RAD18: variants seen among roughly 807,000 people sequenced by gnomAD.
RAD18 encodes the protein E3 ubiquitin-protein ligase RAD18.
Under a neutral mutation model 60.4 loss-of-function variants are expected in RAD18, and 47 were observed. That is an observed-to-expected ratio of 0.78 (90% CI 0.62 to 0.99). The LOEUF is 0.99. Ranked by LOEUF, RAD18 falls within the 50% of genes least tolerant of loss-of-function variation. The pLI is 0.00. For synonymous variants in RAD18, 225 were observed against 195.5 expected, an observed-to-expected ratio of 1.15 and a Z score of -1.26; for missense variants, 640 against 593.3, an observed-to-expected ratio of 1.08 and a Z score of -0.82.
chr3:8,951,503 A>G (rs1940924076), intron 2 of RAD18, among the ~76,000 whole-genome samples: 1 of 152,236 alleles, frequency 6.6e-6, no homozygotes, highest in Non-Finnish European at 1.5e-5. Context: ...TTCTTCAGAG[A>G]GGAGGAAAAT....
intron 7 of RAD18, among the ~76,000 whole-genome samples, chr3:8,932,067 G>T (rs1940570402): frequency 6.6e-6 from 1 of 152,198 alleles, no homozygotes. Flanking sequence ...TAACACAGGA[G>T]AAATTTTTTG....
In RAD18 at chr3:8,931,418, T is replaced by C. The variant is rs577593857; in HGVS notation, c.889+4453A>G. On this transcript the variant is annotated intron_variant, in intron 7 of 12. Transcript: ENST00000264926. ...TAAAAGTCTTAATATTGTTAAGATA[T>C]CATTTCTAAGCTGATCTATGTAATC... is the stretch of plus-strand genomic sequence containing the variant. 6 of 152,348 alleles carry C rather than the reference T, an allele frequency of 3.9e-5. No individual in the cohort carries two copies. The East Asian group carries it at 1.2e-3, about 29-fold the overall frequency. 9.4% of individuals were successfully genotyped at this position (152,348 alleles called of 1,614,324 possible).
intron 7 of RAD18, among the ~76,000 whole-genome samples, chr3:8,918,532 G>C (rs595687): frequency 0.7 from 106,252 of 151,916 alleles, 37,630 homozygotes; most frequent in Middle Eastern, 0.77. Flanking sequence ...GAGAACTCTG[G>C]AAAGTAGAAA....
rs765797749 is a variant in RAD18 at position 8,948,596 on chromosome 3, T to C, written c.134-26A>G. On this transcript the variant is annotated intron_variant, in intron 2 of 12. Coordinates refer to ENST00000264926, the MANE Select transcript of RAD18 (RefSeq NM_020165.4). ...CTGCAAAACACAAAGTGCAACATAA[T>C]GTTAATTAAGCTATATTAATAATAC... is the stretch of plus-strand genomic sequence containing the variant. The C allele has an allele frequency of 7.0e-6, 11 of 1,568,356 alleles. No homozygotes were observed. The African/African-American group carries it at 1.4e-4, about 19-fold the overall frequency.
chr3:8,916,454 G>A (rs1940201338), intron 7 of RAD18, among the ~76,000 whole-genome samples: 1 of 152,172 alleles, frequency 6.6e-6, no homozygotes, highest in African/African-American at 2.4e-5. Context: ...AACCTAAGTT[G>A]TGAGTGATAT....
At chr3:8,896,560 C>T (rs974180908) in intron 11 of RAD18, among the ~76,000 whole-genome samples, 3 of 152,202 alleles carry the variant, frequency 2.0e-5, no homozygotes, top group East Asian at 1.9e-4. Flanking sequence ...AAAACAGGGG[C>T]GCTTCAAATG....
At chr3:8,930,557 T>C (rs574908793) in intron 7 of RAD18, among the ~76,000 whole-genome samples, 11 of 152,316 alleles carry the variant, frequency 7.2e-5, no homozygotes, top group South Asian at 2.1e-4. Context: ...TATATCTCAG[T>C]ATTATATGAA....
intron 11 of RAD18, among the ~76,000 whole-genome samples, chr3:8,890,964 T>G (rs1052976773): frequency 2.0e-5 from 3 of 152,072 alleles, no homozygotes; most frequent in Non-Finnish European, 4.4e-5. Context: ...TAAGCAGCCT[T>G]TTTACACTTT....
At chr3:8,908,828 C>A (rs1264567736) in intron 9 of RAD18, among the ~76,000 whole-genome samples, 1 of 152,212 alleles carries the variant, frequency 6.6e-6, no homozygotes, top group Non-Finnish European at 1.5e-5. Context: ...TAAACTCCAA[C>A]AGAGTAGGCT....
intron 7 of RAD18, among the ~76,000 whole-genome samples, chr3:8,924,245 A>T (rs944922733): frequency 4.9e-4 from 74 of 151,108 alleles, no homozygotes; most frequent in Non-Finnish European, 9.0e-4. Context: ...AAACAAAAAA[A>T]GGCAGGGGTT....
chr3:8,899,822 T>C (rs1297165910), intron 10 of RAD18, among the ~76,000 whole-genome samples: 7 of 152,160 alleles, frequency 4.6e-5, no homozygotes, highest in Non-Finnish European at 1.0e-4. Context: ...TCCTTAACTT[T>C]CAGGAACTGA....
chr3:8,916,661 A>G (rs534959197), intron 7 of RAD18, among the ~76,000 whole-genome samples: 13 of 152,272 alleles, frequency 8.5e-5, no homozygotes, highest in African/African-American at 2.2e-4. Context: ...TTTTTTTTAG[A>G]AAGAATAAAA....
chr3:8,921,433 C>A (rs61364298), intron 7 of RAD18, among the ~76,000 whole-genome samples: 5,481 of 152,248 alleles, frequency 0.036, 331 homozygotes, highest in African/African-American at 0.12. Flanking sequence ...AGGGGAATCT[C>A]TTGAGGCTAG....
At chr3:8,959,622 A>G (rs1167318844) in intron 1 of RAD18, among the ~76,000 whole-genome samples, 4 of 152,254 alleles carry the variant, frequency 2.6e-5, no homozygotes, top group Non-Finnish European at 5.9e-5. Context: ...CAGTGAAAGC[A>G]GAGGAAGGGA....
At chr3:8,883,334 C>G (rs879859557) in intron 12 of RAD18, among the ~76,000 whole-genome samples, 1 of 152,112 alleles carries the variant, frequency 6.6e-6, no homozygotes, top group Non-Finnish European at 1.5e-5. Context: ...AACCAACAAA[C>G]AAGATCTCTC....
chr3:8,894,623 A>G (rs917475243), intron 11 of RAD18, among the ~76,000 whole-genome samples: 3 of 152,200 alleles, frequency 2.0e-5, no homozygotes, highest in Non-Finnish European at 4.4e-5. Flanking sequence ...ACTGCTAGGT[A>G]CATGGATCTC....
At chr3:8,924,797 C>A (rs1455884715) in intron 7 of RAD18, among the ~76,000 whole-genome samples, 1 of 148,174 alleles carries the variant, frequency 6.7e-6, no homozygotes, top group East Asian at 1.9e-4. Flanking sequence ...GAACAACCTG[C>A]TCCTGAATGA....
Position 8,878,577 on chromosome 3 carries a change from G to C in RAD18, c.*2780C>G, listed in dbSNP as rs762824056. The C allele has an allele frequency of 1.3e-5, 2 of 152,142 alleles. No homozygotes were observed. The highest frequency in any genetic ancestry group is 3.2e-3 in the Middle Eastern group (1 of 316). 9.4% of individuals were successfully genotyped at this position (152,142 alleles called of 1,614,324 possible). On this transcript the variant is annotated 3_prime_UTR_variant, in exon 13 of 13. Transcript: ENST00000264926. ...CTTCTCTATGTTGTCTATCCCTGTT[G>C]ACACATCAGTCTTTACCATGTAATT...
At chr3:8,889,886 C>T (rs774510832) in intron 12 of RAD18, among the ~76,000 whole-genome samples, 13 of 152,186 alleles carry the variant, frequency 8.5e-5, no homozygotes, top group Non-Finnish European at 1.2e-4. Flanking sequence ...ATGGCAATTA[C>T]GTAAGATTAT....
Sources: allele counts gnomAD v4.1 joint callset (sites outside exome capture counted in the v4.1 genomes callset), GRCh38; gene constraint gnomAD v4.1.1; transcripts MANE v1.5; gene names NCBI Gene and HGNC (gene_info 2026-07-23, HGNC 2026-07-21).